RASSF6: variants seen among roughly 807,000 people sequenced by gnomAD.
RASSF6 encodes the protein Ras association domain family member 6.
RASSF6 carries 52 observed loss-of-function variants against 44.0 expected under a neutral mutation model. That is an observed-to-expected ratio of 1.18 (90% confidence interval 0.95 to 1.49). RASSF6 has a LOEUF of 1.49. RASSF6 is among the 40% of genes most tolerant of loss of function. RASSF6 has a pLI of 0.00. For missense variants in RASSF6, 464 were observed against 393.3 expected (o/e 1.18, Z -1.52); for synonymous variants, 162 against 124.6 (o/e 1.30, Z -2.00).
At position 73,575,138 on chromosome 4, in the gene RASSF6, C is replaced by T. The variant is rs1402465700; in HGVS notation, c.*1097G>A. 1.3e-5 allele frequency: 2 copies of T among 152,252 alleles called. No individual in the cohort carries two copies. Among genetic ancestry groups the T allele is most frequent in the Admixed American group, 6.5e-5 (1 of 15,288 alleles). 9.4% of individuals were successfully genotyped at this position (152,252 alleles called of 1,614,324 possible). The stretch of plus-strand genomic sequence containing the variant: ...CAGTTGGGTTTACTGCATATAATCT[C>T]ATTCCTTAGTACATGTAATATGATC... On this transcript the variant is annotated 3_prime_UTR_variant, in exon 11 of 11. Coordinates refer to ENST00000307439, the MANE Select transcript of RASSF6 (RefSeq NM_177532.5).
At chr4:73,577,445 T>C (rs909565429) in intron 8 of RASSF6, among the ~76,000 whole-genome samples, 4 of 152,152 alleles carry the variant, frequency 2.6e-5, no homozygotes, top group Non-Finnish European at 5.9e-5. Flanking sequence ...CAAAACATAG[T>C]GTCCTTATAT....
In RASSF6 at chr4:73,598,726, TAA is replaced by T. The variant is rs11368217; in HGVS notation, c.66-10_66-9del. On this transcript the variant is annotated splice_polypyrimidine_tract_variant and intron_variant, in intron 2 of 10. Transcript: ENST00000307439. ...AAAGAATTAAGTTGTTCCCTAAAAA[TAA>T]AAAAAAATTAATTACAATCAGTCTT... The T allele has an allele frequency of 1.3e-4, 144 of 1,110,904 alleles. No homozygotes were observed. Among genetic ancestry groups the T allele is most frequent in the East Asian group, 5.5e-4 (21 of 37,988 alleles). 68.8% of individuals were successfully genotyped at this position (1,110,904 alleles called of 1,614,324 possible). A position where few individuals can be genotyped will look rare whatever the true frequency, so the allele number is the denominator to read the frequency against.
At chr4:73,601,511 TA>T (rs1199212851) in intron 2 of RASSF6, among the ~76,000 whole-genome samples, 1 of 152,242 alleles carries the variant, frequency 6.6e-6, no homozygotes, top group East Asian at 1.9e-4. Context: ...TTTTGATTAT[TA>T]ATTGGATTTT....
Position 73,574,998 on chromosome 4 carries a change from T to C in RASSF6, c.*1237A>G, listed in dbSNP as rs1723123081. On this transcript the variant is annotated 3_prime_UTR_variant, in exon 11 of 11. Transcript: ENST00000307439. ...TGGTTTACTCAGTAAGAGAGACTTCTTAGGCTTGAAAAGGCCATAGCACAC... is the reference window on the plus strand; with the variant it reads ...TGGTTTACTCAGTAAGAGAGACTTCCTAGGCTTGAAAAGGCCATAGCACAC... The C allele has an allele frequency of 2.0e-5, 3 of 152,204 alleles. No homozygotes were observed. The allele number at this position is 152,204 out of a possible 1,614,324, so 9.4% of individuals were successfully genotyped here. A position where few individuals can be genotyped will look rare whatever the true frequency, so the allele number is the denominator to read the frequency against.
intron 4 of RASSF6, among the ~76,000 whole-genome samples, chr4:73,592,583 C>T (rs1724632927): frequency 1.3e-5 from 2 of 152,262 alleles, no homozygotes; most frequent in East Asian, 3.9e-4. Flanking sequence ...ATCAGCCCAA[C>T]CTGGATATCC....
intron 8 of RASSF6, among the ~76,000 whole-genome samples, chr4:73,579,604 T>C (rs1044192573): frequency 6.6e-6 from 1 of 152,140 alleles, no homozygotes; most frequent in African/African-American, 2.4e-5. Flanking sequence ...AATTGTATTT[T>C]CATGCTTTTT....
chr4:73,606,198 A>T (rs1470051931), intron 2 of RASSF6, among the ~76,000 whole-genome samples: 1 of 152,246 alleles, frequency 6.6e-6, no homozygotes, highest in Admixed American at 6.5e-5. Flanking sequence ...GATAAAAACA[A>T]TGTGGTACAT....
Position 73,576,707 on chromosome 4 carries a change from T to C in RASSF6, c.746A>G (p.Asp249Gly). 6.2e-7 allele frequency: 1 copy of C among 1,611,570 alleles called. No homozygotes were observed. Among genetic ancestry groups the C allele is most frequent in the African/African-American group, 1.3e-5 (1 of 74,942 alleles). Reference protein sequence around the residue: ...TGEQRRLKKTDIPLLQRLLQG... With the variant: ...TGEQRRLKKTGIPLLQRLLQG... Reference sequence around the variant, plus strand: ...TAGGAGCCTCTGCAGTAGCGGAATGTCTGTCTTCTTTAGTCGTCTTTGTTC... The same window carrying C: ...TAGGAGCCTCTGCAGTAGCGGAATGCCTGTCTTCTTTAGTCGTCTTTGTTC... Residue 249 changes from aspartate to glycine, a missense_variant, in exon 9 of 11, where the codon GAC becomes GGC. Transcript: ENST00000307439.
chr4:73,574,401 G>A lies in RASSF6; in HGVS notation c.*1834C>T, dbSNP rs186775255. 3.1e-4 allele frequency: 48 copies of A among 152,498 alleles called. No individual in the cohort carries two copies. The highest frequency in any genetic ancestry group is 1.2e-3 in the African/African-American group (48 of 41,526). 9.4% of individuals were successfully genotyped at this position (152,498 alleles called of 1,614,324 possible). ...CCTGCCTCAGCTGGTCCACACCTAG[G>A]GGGTTGGCTGTACCAGCTTGTCCAG... On this transcript the variant is annotated 3_prime_UTR_variant, in exon 11 of 11. Transcript: ENST00000307439.
At chr4:73,612,467 G>A (rs1253648267) in intron 1 of RASSF6, among the ~76,000 whole-genome samples, 1 of 93,340 alleles carries the variant, frequency 1.1e-5, no homozygotes, top group African/African-American at 4.3e-5. Context: ...ATGGATGAGA[G>A]AGTTCAGTTT....
Position 73,597,221 on chromosome 4 carries a change from C to T in RASSF6, c.144+1419G>A, listed in dbSNP as rs150892038. ...TGGGAGAATATTTTTGCAAACTATGCATCTGACAAAGATCTAACATTCAGC... is the reference window on the plus strand; with the variant it reads ...TGGGAGAATATTTTTGCAAACTATGTATCTGACAAAGATCTAACATTCAGC... On this transcript the variant is annotated intron_variant, in intron 3 of 10. Coordinates refer to ENST00000307439, the MANE Select transcript of RASSF6 (RefSeq NM_177532.5). Among the ~76,000 whole-genome samples, 884 of 152,264 alleles carry T rather than the reference C, an allele frequency of 5.8e-3. 3 individuals are homozygous for T. Among genetic ancestry groups the T allele is most frequent in the South Asian group, 0.011 (52 of 4,824 alleles).
At chr4:73,585,464 A>G (rs1447027871) in intron 5 of RASSF6, 100 bp from the exon 6 acceptor site, 3 of 755,200 alleles carry the variant, frequency 4.0e-6, no homozygotes, top group Non-Finnish European at 6.0e-6. Context: ...GAATATTGCT[A>G]TTTTCTGGCT....
At chr4:73,577,751 G>A (rs1723331035) in intron 8 of RASSF6, among the ~76,000 whole-genome samples, 2 of 152,092 alleles carry the variant, frequency 1.3e-5, no homozygotes, top group African/African-American at 4.8e-5. Context: ...ATGTTAACTT[G>A]GCTTAGCATC....
chr4:73,609,365 C>A (rs1163019817), intron 2 of RASSF6, among the ~76,000 whole-genome samples: 1 of 152,050 alleles, frequency 6.6e-6, no homozygotes, highest in African/African-American at 2.4e-5. Flanking sequence ...TGACTCCAGG[C>A]AATAAAACAG....
At chr4:73,582,000 T>G in intron 7 of RASSF6, 132 bp from the exon 8 acceptor site, 1 of 705,318 alleles carries the variant, frequency 1.4e-6, no homozygotes. Context: ...TTCTCTGCTC[T>G]TATGGGAATT....
At chr4:73,614,687 C>T (rs1726231150) in intron 1 of RASSF6, among the ~76,000 whole-genome samples, 1 of 152,156 alleles carries the variant, frequency 6.6e-6, no homozygotes, top group South Asian at 2.1e-4. Context: ...CAAATAATTG[C>T]AATGTAGTTA....
chr4:73,597,705 G>A (rs1241776842), intron 3 of RASSF6, among the ~76,000 whole-genome samples: 1 of 152,070 alleles, frequency 6.6e-6, no homozygotes, highest in Non-Finnish European at 1.5e-5. Context: ...ATAACAGCAA[G>A]CACATGGAAT....
intron 7 of RASSF6, 49 bp downstream of exon 7, chr4:73,582,140 T>C (rs1398536737): frequency 3.4e-6 from 3 of 883,738 alleles, no homozygotes; most frequent in Non-Finnish European, 5.2e-6. Flanking sequence ...GTGTTTATAG[T>C]TGAATTATAT....
chr4:73,604,804 C>T (rs979966708), intron 2 of RASSF6, among the ~76,000 whole-genome samples: 5 of 151,184 alleles, frequency 3.3e-5, no homozygotes, highest in African/African-American at 1.2e-4. Flanking sequence ...GTAAAGGTAA[C>T]AAATTATTTG....
Sources: allele counts gnomAD v4.1 joint callset (sites outside exome capture counted in the v4.1 genomes callset), GRCh38; gene constraint gnomAD v4.1.1; transcripts MANE v1.5; gene names NCBI Gene and HGNC (gene_info 2026-07-23, HGNC 2026-07-21).